Variants in HSPA13 observed in about 807,000 individuals in gnomAD.
The protein encoded by HSPA13 is heat shock protein family A (Hsp70) member 13.
A neutral mutation model predicts 38.8 loss-of-function variants in HSPA13; 29 were observed. The observed-to-expected ratio is 0.75, with a 90% CI of 0.56 to 1.02. The LOEUF is 1.02. Among genes scored for constraint, HSPA13 ranks in the 50% least tolerant of loss-of-function variants. The pLI, the probability that HSPA13 is intolerant of heterozygous loss-of-function variation, is 0.00. For missense variants in HSPA13, 451 were observed against 560.9 expected (o/e 0.80, Z 1.98); for synonymous variants, 192 against 205.3 (o/e 0.94, Z 0.56).
chr21:14,378,273 T>C lies in HSPA13; in HGVS notation c.506A>G (p.Asn169Ser), dbSNP rs758140877. 4.3e-6 allele frequency: 7 copies of C among 1,614,004 alleles called. No individual in the cohort carries two copies. The highest frequency in any genetic ancestry group is 3.3e-5 in the Admixed American group (2 of 60,012). The change falls in exon 3 of 5, where the codon AAT becomes AGT. Residue 169 changes from asparagine (N) to serine (S), a missense_variant. Transcript: ENST00000285667. ...AEAYLGMPVA[N>S]AVISVPAEFD... is the part of the protein sequence containing the mutation. ...TTCTGCTGGTACAGAAATGACAGCA[T>C]TGGCAACTGGCATTCCAAGATATGC... is the stretch of plus-strand genomic sequence containing the variant.
At chr21:14,382,624 G>T (rs919950815) in intron 1 of HSPA13, among the ~76,000 whole-genome samples, 6 of 151,906 alleles carry the variant, frequency 3.9e-5, no homozygotes, top group Non-Finnish European at 7.4e-5. Flanking sequence ...ACGCGGGGTG[G>T]GTGTGTGTGT....
intron 2 of HSPA13, 90 bp from the exon 3 acceptor site, chr21:14,378,502 A>G: frequency 1.3e-6 from 1 of 785,316 alleles, no homozygotes; most frequent in Non-Finnish European, 2.1e-6. Context: ...TTTCATGAGA[A>G]CTTACCCTTA....
At chr21:14,374,344 T>A in intron 4 of HSPA13, 60 bp from the exon 5 acceptor site, 1 of 1,175,788 alleles carries the variant, frequency 8.5e-7, no homozygotes, top group Non-Finnish European at 1.2e-6. Context: ...TATACACGTA[T>A]GTTATTATGT....
chr21:14,383,074 C>T, intron 1 of HSPA13, 21 bp downstream of exon 1: 1 of 1,614,072 alleles, frequency 6.2e-7, no homozygotes, highest in Admixed American at 1.7e-5. Flanking sequence ...GCAAGAGCAA[C>T]AAGGACCCCC....
At chr21:14,379,703 C>T (rs1437053202) in intron 2 of HSPA13, among the ~76,000 whole-genome samples, 1 of 151,962 alleles carries the variant, frequency 6.6e-6, no homozygotes, top group African/African-American at 2.4e-5. Context: ...AGTAATAAAC[C>T]TAAGAAATGC....
intron 3 of HSPA13, 115 bp from the exon 4 acceptor site, chr21:14,375,934 TGA>T: frequency 1.3e-6 from 1 of 749,500 alleles, no homozygotes; most frequent in Non-Finnish European, 2.2e-6. Context: ...TGAGTAATAA[TGA>T]GAGCAGTCAC....
chr21:14,373,933 CG>C lies in HSPA13; in HGVS notation c.1099del (p.Arg367GlyfsTer23). ...TTCATTAAGGGTATCAAAGAGTTTC[CG>C]TGATATTTCTGTTTCAAATAAAACC... ...SQVLFETEISRKLFDTLNEDL... is the reference protein window; with the variant it reads ...SQVLFETEISXKLFDTLNEDL... On this transcript the variant is annotated frameshift_variant, in exon 5 of 5. Coordinates refer to ENST00000285667, the MANE Select transcript of HSPA13 (RefSeq NM_006948.5). LOFTEE classifies it high-confidence loss of function. 6.2e-7 allele frequency: 1 copy of C among 1,614,090 alleles called. No individual in the cohort carries two copies. The highest frequency in any genetic ancestry group is 8.5e-7 in the Non-Finnish European group (1 of 1,180,022).
chr21:14,372,802 A>T lies in HSPA13; in HGVS notation c.*815T>A, dbSNP rs572392619. 6.6e-6 allele frequency: 1 copy of T among 152,150 alleles called. No individual in the cohort carries two copies. Among genetic ancestry groups the T allele is most frequent in the Non-Finnish European group, 1.5e-5 (1 of 67,994 alleles). 9.4% of individuals were successfully genotyped at this position (152,150 alleles called of 1,614,324 possible). A position where few individuals can be genotyped will look rare whatever the true frequency, so the allele number is the denominator to read the frequency against. ...AAAGGTCTCGGATAACAAAAATAAG[A>T]TAGCAATCATGGCTTTATTATGACA... On this transcript the variant is annotated 3_prime_UTR_variant, in exon 5 of 5. Transcript: ENST00000285667.
rs763857641 is a variant in HSPA13 at position 14,378,356 on chromosome 21, T to C, written c.423A>G (p.Thr141=). ...GAGAGCCAACATATTCTGGGGACAC[T>C]GTGATGGTCTCATTACTTGTCACAG... ...EFSVTSNETI[T]VSPEYVGSRL... Residue 141 remains threonine, a synonymous_variant, in exon 3 of 5, where the codon ACA becomes ACG. Coordinates refer to ENST00000285667, the MANE Select transcript of HSPA13 (RefSeq NM_006948.5). The C allele has an allele frequency of 3.7e-6, 6 of 1,614,190 alleles. No homozygotes were observed. The highest frequency in any genetic ancestry group is 5.1e-6 in the Non-Finnish European group (6 of 1,179,994).
chr21:14,376,451 CT>C (rs933417432), intron 3 of HSPA13, among the ~76,000 whole-genome samples: 7 of 152,182 alleles, frequency 4.6e-5, no homozygotes, highest in African/African-American at 1.4e-4. Context: ...TCATTATATA[CT>C]ATCACTAAGT....
chr21:14,372,360 C>G lies in HSPA13; in HGVS notation c.*1257G>C, dbSNP rs1365027830. Reference sequence around the variant, plus strand: ...CAAATACAATGGGTATGACAGAAATCAAACTGTTATATTTTCTTTCTTGGT... The same window carrying G: ...CAAATACAATGGGTATGACAGAAATGAAACTGTTATATTTTCTTTCTTGGT... On this transcript the variant is annotated 3_prime_UTR_variant, in exon 5 of 5. Transcript: ENST00000285667. 1 of 151,606 alleles carries G rather than the reference C, an allele frequency of 6.6e-6. No individual in the cohort carries two copies. The highest frequency in any genetic ancestry group is 1.5e-5 in the Non-Finnish European group (1 of 67,860). The allele number at this position is 151,606 out of a possible 1,614,324, so 9.4% of individuals were successfully genotyped here.
intron 4 of HSPA13, 58 bp downstream of exon 4, chr21:14,375,594 A>C: frequency 6.7e-7 from 1 of 1,491,604 alleles, no homozygotes; most frequent in South Asian, 1.2e-5. Flanking sequence ...GGCCTCCCAA[A>C]GTGCTGGGAT....
chr21:14,380,389 T>C (rs9305301), intron 2 of HSPA13, among the ~76,000 whole-genome samples: 106,508 of 151,368 alleles, frequency 0.7, 37,794 homozygotes, highest in African/African-American at 0.74. Context: ...AAATGGACCA[T>C]AAAAGAAAAT....
At chr21:14,381,672 T>A (rs962550531) in intron 1 of HSPA13, 129 bp from the exon 2 acceptor site, 3 of 708,494 alleles carry the variant, frequency 4.2e-6, no homozygotes, top group Middle Eastern at 4.1e-4. Flanking sequence ...AAATTTTTTA[T>A]AGGACTGCTG....
Position 14,377,431 on chromosome 21 carries a change from G to A in HSPA13, c.580+768C>T, listed in dbSNP as rs566236992. On this transcript the variant is annotated intron_variant, in intron 3 of 4. Coordinates refer to ENST00000285667, the MANE Select transcript of HSPA13 (RefSeq NM_006948.5). The stretch of plus-strand genomic sequence containing the variant: ...CATTTTCTCTTTGAGCCTTTGTCCT[G>A]TAGCATCTGATTGGTTCTTGTTAAA... 5.9e-5 allele frequency among the ~76,000 whole-genome samples: 9 copies of A among 152,268 alleles called. No individual in the cohort carries two copies. The South Asian group carries it at 1.9e-3, about 32-fold the overall frequency.
chr21:14,371,470 TTAAA>T lies in HSPA13; in HGVS notation c.*2143_*2146del, dbSNP rs1982826312. The T allele has an allele frequency of 6.6e-6, 1 of 152,166 alleles. No individual in the cohort carries two copies. Among genetic ancestry groups the T allele is most frequent in the South Asian group, 2.1e-4 (1 of 4,832 alleles). 9.4% of individuals were successfully genotyped at this position (152,166 alleles called of 1,614,324 possible). ...GATCCCTTTCAGGATGCATTATCTT[TTAAA>T]TAAATAAACTAAATTGACTTCAAGA... On this transcript the variant is annotated 3_prime_UTR_variant, in exon 5 of 5. Coordinates refer to ENST00000285667, the MANE Select transcript of HSPA13 (RefSeq NM_006948.5).
At chr21:14,375,531 A>AC (rs1462427547) in intron 4 of HSPA13, 121 bp downstream of exon 4, 1 of 442,148 alleles carries the variant, frequency 2.3e-6, no homozygotes, top group Non-Finnish European at 3.9e-6. Context: ...ACAGGGTTTC[A>AC]CCGTGTTAGC....
rs558821556 is a variant in HSPA13 at position 14,373,373 on chromosome 21, G to A, written c.*244C>T. The A allele has an allele frequency of 2.2e-6, 1 of 456,562 alleles. No individual in the cohort carries two copies. The highest frequency in any genetic ancestry group is 3.6e-5 in the South Asian group (1 of 27,692). 28.3% of individuals were successfully genotyped at this position (456,562 alleles called of 1,614,324 possible). A position where few individuals can be genotyped will look rare whatever the true frequency, so the allele number is the denominator to read the frequency against. On this transcript the variant is annotated 3_prime_UTR_variant, in exon 5 of 5. Transcript: ENST00000285667. ...TAGTTATCCATACTCTTTTAAGAGAGTTGTACCTCAATTTTATCATTTTAG... is the reference window on the plus strand; with the variant it reads ...TAGTTATCCATACTCTTTTAAGAGAATTGTACCTCAATTTTATCATTTTAG...
chr21:14,374,744 A>T (rs543513706), intron 4 of HSPA13, among the ~76,000 whole-genome samples: 108 of 152,342 alleles, frequency 7.1e-4, no homozygotes, highest in African/African-American at 2.4e-3. Context: ...AAGAATACAG[A>T]TTGGCTTATA....
Sources: gnomAD v4.1 joint callset for allele counts (sites outside exome capture counted in the v4.1 genomes callset) on GRCh38, gnomAD v4.1.1 for gene constraint, MANE v1.5 for transcripts, NCBI Gene and HGNC (gene_info 2026-07-23, HGNC 2026-07-21) for gene names.